SMIM10L2B: variants seen among roughly 807,000 people sequenced by gnomAD.
The protein encoded by SMIM10L2B is small integral membrane protein 10 like 2B, also known as small integral membrane protein 10-like protein 2B.
For missense variants in SMIM10L2B, 40 were observed against 58.7 expected (o/e 0.68, Z 1.04); for synonymous variants, 28 against 30.0 (o/e 0.93, Z 0.22).
At position 135,095,800 on chromosome X, in the gene SMIM10L2B, G is replaced by A. The variant is rs1167932461; in HGVS notation, c.*1686C>T. 3.6e-5 allele frequency: 4 copies of A among 112,098 alleles called. No homozygotes were observed. The highest frequency in any genetic ancestry group is 3.8e-4 in the South Asian group (1 of 2,624). The allele number at this position is 112,098 out of a possible 1,213,427, so 9.2% of individuals were successfully genotyped here. A position where few individuals can be genotyped will look rare whatever the true frequency, so the allele number is the denominator to read the frequency against. ...GTTGGGGGGACCAGCAGGCTGACAG[G>A]CCCCCAGAGGTGGTCAAGGGTGGAC... On this transcript the variant is annotated 3_prime_UTR_variant, in exon 2 of 2. Coordinates refer to ENST00000433425, the MANE Select transcript of SMIM10L2B (RefSeq NM_001348255.2).
At chrX:135,097,520 C>T (rs1192147969) in intron 1 of SMIM10L2B, among the ~76,000 whole-genome samples, 3 of 111,995 alleles carry the variant, frequency 2.7e-5, no homozygotes, top group African/African-American at 9.8e-5. Context: ...ACAGCAGGAG[C>T]AGGGAGAGAC....
rs1218573805 is a variant in SMIM10L2B, at chrX:135,096,813, C to T, written c.*673G>A. 3.6e-5 allele frequency: 4 copies of T among 111,978 alleles called. No homozygotes were observed. The highest frequency in any genetic ancestry group is 9.4e-5 in the Admixed American group (1 of 10,680). 9.2% of individuals were successfully genotyped at this position (111,978 alleles called of 1,213,427 possible). On this transcript the variant is annotated 3_prime_UTR_variant, in exon 2 of 2. Transcript: ENST00000433425. ...TGTCAAGGGCAAATCCCCCCCTCCC[C>T]GAAGCCTCGGTTTCCTCTGTCATTA...
Position 135,098,376 on chromosome X carries a change from GGCC to G in SMIM10L2B, c.*18_*20del, listed in dbSNP as rs1275120904. ...GTCGCCCCTCCAGCCGGGCCTCCGC[GGCC>G]GCCGCCGCCGCCGGCGCTCACTCGA... On this transcript the variant is annotated 3_prime_UTR_variant, in exon 1 of 2. Coordinates refer to ENST00000433425, the MANE Select transcript of SMIM10L2B (RefSeq NM_001348255.2). 5.9e-4 allele frequency: 286 copies of G among 488,832 alleles called. No homozygotes were observed. Among genetic ancestry groups the G allele is most frequent in the South Asian group, 1.4e-3 (24 of 17,433 alleles). 40.3% of individuals were successfully genotyped at this position (488,832 alleles called of 1,213,427 possible). A position where few individuals can be genotyped will look rare whatever the true frequency, so the allele number is the denominator to read the frequency against.
Position 135,098,170 on chromosome X carries a change from A to G in SMIM10L2B, c.*227T>C. On this transcript the variant is annotated 3_prime_UTR_variant, in exon 1 of 2. Coordinates refer to ENST00000433425, the MANE Select transcript of SMIM10L2B (RefSeq NM_001348255.2). ...GGAGCCCAATTGTAGGGGCCTGTTC[A>G]GTGCATTTCTGCGCGATCCGGGGTC... is the stretch of plus-strand genomic sequence containing the variant. 4.1e-6 allele frequency: 1 copy of G among 242,866 alleles called. No homozygotes were observed. The highest frequency in any genetic ancestry group is 7.4e-6 in the Non-Finnish European group (1 of 135,328). 20.0% of individuals were successfully genotyped at this position (242,866 alleles called of 1,213,427 possible).
rs76910104 is a variant in SMIM10L2B, at chrX:135,095,013, CT to C, written c.*2472del. Reference sequence around the variant, plus strand: ...GGATTTTAGTGTATTAAACCAAGGACTTTTTTTTTTTTTTAAACTTAGAGAA... The same window carrying C: ...GGATTTTAGTGTATTAAACCAAGGACTTTTTTTTTTTTTAAACTTAGAGAA... On this transcript the variant is annotated 3_prime_UTR_variant, in exon 2 of 2. Transcript: ENST00000433425. 5,581 of 102,804 alleles carry C rather than the reference CT, an allele frequency of 0.054. 161 individuals are homozygous for C. The highest frequency in any genetic ancestry group is 0.11 in the African/African-American group (3,124 of 28,535). The allele number at this position is 102,804 out of a possible 1,213,427, so 8.5% of individuals were successfully genotyped here. A position where few individuals can be genotyped will look rare whatever the true frequency, so the allele number is the denominator to read the frequency against.
Position 135,097,065 on chromosome X carries a change from A to G in SMIM10L2B, c.*421T>C, listed in dbSNP as rs1236434342. ...GGGTCAGAGGTGCCCCAGGGTAGGG[A>G]TGAGACTCTTGGCAAGGCCAGAGAA... On this transcript the variant is annotated 3_prime_UTR_variant, in exon 2 of 2. Transcript: ENST00000433425. 8.8e-6 allele frequency: 1 copy of G among 113,247 alleles called. No homozygotes were observed. The highest frequency in any genetic ancestry group is 1.9e-5 in the Non-Finnish European group (1 of 53,370). 9.3% of individuals were successfully genotyped at this position (113,247 alleles called of 1,213,427 possible). A position where few individuals can be genotyped will look rare whatever the true frequency, so the allele number is the denominator to read the frequency against.
Position 135,095,013 on chromosome X carries a change from C to CT in SMIM10L2B, c.*2472dup, listed in dbSNP as rs76910104. 231 of 103,414 alleles carry CT rather than the reference C, an allele frequency of 2.2e-3. No individual in the cohort carries two copies. Among genetic ancestry groups the CT allele is most frequent in the East Asian group, 3.9e-3 (13 of 3,306 alleles). The allele number at this position is 103,414 out of a possible 1,213,427, so 8.5% of individuals were successfully genotyped here. On this transcript the variant is annotated 3_prime_UTR_variant, in exon 2 of 2. Coordinates refer to ENST00000433425, the MANE Select transcript of SMIM10L2B (RefSeq NM_001348255.2). ...GGATTTTAGTGTATTAAACCAAGGA[C>CT]TTTTTTTTTTTTTTAAACTTAGAGA...
At position 135,098,119 on chromosome X, in the gene SMIM10L2B, A is replaced by G. The variant is rs1212633791; in HGVS notation, c.*278T>C. 3.1e-5 allele frequency: 6 copies of G among 192,071 alleles called. No homozygotes were observed. Among genetic ancestry groups the G allele is most frequent in the Non-Finnish European group, 4.8e-5 (5 of 103,491 alleles). The allele number at this position is 192,071 out of a possible 1,213,427, so 15.8% of individuals were successfully genotyped here. On this transcript the variant is annotated 3_prime_UTR_variant, in exon 1 of 2. Transcript: ENST00000433425. ...CCCTCTTTTGCCAATGTGAGGCAAC[A>G]GGTAGTCCGAGCTCAGGTAGTTTCT...
rs1213354636 is a variant in SMIM10L2B at position 135,096,119 on chromosome X, A to G, written c.*1367T>C. 1.8e-5 allele frequency: 2 copies of G among 111,245 alleles called. No homozygotes were observed. Among genetic ancestry groups the G allele is most frequent in the Non-Finnish European group, 3.8e-5 (2 of 53,014 alleles). 9.2% of individuals were successfully genotyped at this position (111,245 alleles called of 1,213,427 possible). Reference sequence around the variant, plus strand: ...ATGTGGCCCTCAGGGTACCAGTGCAAGAGATGCGGAAATGGGGATAGCAGG... The same window carrying G: ...ATGTGGCCCTCAGGGTACCAGTGCAGGAGATGCGGAAATGGGGATAGCAGG... On this transcript the variant is annotated 3_prime_UTR_variant, in exon 2 of 2. Transcript: ENST00000433425.
At position 135,098,622 on chromosome X, in the gene SMIM10L2B, C is replaced by A. The variant is rs2083457071; in HGVS notation, c.12G>T (p.Ser4=). 1.7e-5 allele frequency: 7 copies of A among 413,518 alleles called. No individual in the cohort carries two copies. The highest frequency in any genetic ancestry group is 2.5e-5 in the Non-Finnish European group (7 of 277,243). 34.1% of individuals were successfully genotyped at this position (413,518 alleles called of 1,213,427 possible). The change falls in exon 1 of 2, where the codon TCG becomes TCT. Residue 4 remains serine (S), a synonymous_variant. Transcript: ENST00000433425. The part of the protein sequence containing the change: MAA[S]AALSAAAAAA... ...CCGCCGCCGCCGCAGACAGAGCCGC[C>A]GACGCCGCCATGGGCCCGGGCCCCG... is the stretch of plus-strand genomic sequence containing the variant.
At chrX:135,097,389 A>G (rs1556398275) in intron 1 of SMIM10L2B, among the ~76,000 whole-genome samples, 1 of 112,356 alleles carries the variant, frequency 8.9e-6, no homozygotes, top group African/African-American at 3.2e-5. Flanking sequence ...ATGGGCTGAC[A>G]TGGCGGAAGA....
intron 1 of SMIM10L2B, among the ~76,000 whole-genome samples, chrX:135,097,770 T>G (rs1182097312): frequency 4.5e-5 from 5 of 112,000 alleles, no homozygotes; most frequent in Non-Finnish European, 9.4e-5. Flanking sequence ...CAGGTTTCAG[T>G]GGACACCCTG....
chrX:135,098,348 A>T lies in SMIM10L2B; in HGVS notation c.*49T>A. 1 of 336,717 alleles carries T rather than the reference A, an allele frequency of 3.0e-6. No homozygotes were observed. The highest frequency in any genetic ancestry group is 4.9e-6 in the Non-Finnish European group (1 of 205,396). 27.7% of individuals were successfully genotyped at this position (336,717 alleles called of 1,213,427 possible). ...GACCCGGCCGGGGGCGGGCGGGGAC[A>T]CTGTCGCCCCTCCAGCCGGGCCTCC... On this transcript the variant is annotated 3_prime_UTR_variant, in exon 1 of 2. Coordinates refer to ENST00000433425, the MANE Select transcript of SMIM10L2B (RefSeq NM_001348255.2).
Position 135,095,820 on chromosome X carries a change from G to A in SMIM10L2B, c.*1666C>T, listed in dbSNP as rs2083444903. 8.9e-6 allele frequency: 1 copy of A among 112,091 alleles called. No individual in the cohort carries two copies. Among genetic ancestry groups the A allele is most frequent in the South Asian group, 3.8e-4 (1 of 2,629 alleles). The allele number at this position is 112,091 out of a possible 1,213,427, so 9.2% of individuals were successfully genotyped here. On this transcript the variant is annotated 3_prime_UTR_variant, in exon 2 of 2. Coordinates refer to ENST00000433425, the MANE Select transcript of SMIM10L2B (RefSeq NM_001348255.2). ...GACAGGCCCCCAGAGGTGGTCAAGG[G>A]TGGACAGGGTTGGGGCGGATGAGAG...
chrX:135,097,889 C>CT (rs1158595895), intron 1 of SMIM10L2B, 144 bp downstream of exon 1: 2 of 112,275 alleles, frequency 1.8e-5, no homozygotes, highest in African/African-American at 6.5e-5. Context: ...CTGCGGCTGC[C>CT]TTTCCTTTCC....
In SMIM10L2B at chrX:135,098,642, G is replaced by A. The variant is rs1325049432; in HGVS notation, c.-9C>T. 1.5e-5 allele frequency: 5 copies of A among 334,491 alleles called. No homozygotes were observed. The highest frequency in any genetic ancestry group is 2.4e-5 in the Non-Finnish European group (5 of 208,542). 27.6% of individuals were successfully genotyped at this position (334,491 alleles called of 1,213,427 possible). On this transcript the variant is annotated 5_prime_UTR_variant, in exon 1 of 2. Coordinates refer to ENST00000433425, the MANE Select transcript of SMIM10L2B (RefSeq NM_001348255.2). Reference sequence around the variant, plus strand: ...GCCGCCGACGCCGCCATGGGCCCGGGCCCCGCGCAGGCCCCGCCGACCGAT... The same window carrying A: ...GCCGCCGACGCCGCCATGGGCCCGGACCCCGCGCAGGCCCCGCCGACCGAT...
intron 1 of SMIM10L2B, among the ~76,000 whole-genome samples, chrX:135,097,738 C>T (rs1411814601): frequency 8.9e-6 from 1 of 112,301 alleles, no homozygotes. Flanking sequence ...GGGCCGCCCC[C>T]AGCCCACTAC....
At chrX:135,097,453 G>A (rs1230980769) in intron 1 of SMIM10L2B, among the ~76,000 whole-genome samples, 3 of 111,893 alleles carry the variant, frequency 2.7e-5, no homozygotes, top group Non-Finnish European at 5.7e-5. Context: ...ACTCTTCCCA[G>A]TCTCCAAATG....
chrX:135,098,599 G>T lies in SMIM10L2B; in HGVS notation c.35C>A (p.Ala12Glu). The T allele has an allele frequency of 1.8e-6, 1 of 561,799 alleles. No individual in the cohort carries two copies. The highest frequency in any genetic ancestry group is 4.6e-5 in the East Asian group (1 of 21,643). 46.3% of individuals were successfully genotyped at this position (561,799 alleles called of 1,213,427 possible). The part of the protein sequence containing the change: ...AASAALSAAA[A>E]AAALSGLAVR... ...CGCCAAGCCAGACAGGGCTGCCGCC[G>T]CCGCCGCCGCAGACAGAGCCGCCGA... Residue 12 changes from alanine (A) to glutamate (E), a missense_variant, in exon 1 of 2, where the codon GCG (alanine) becomes GAG (glutamate). Transcript: ENST00000433425.
Sources: allele counts gnomAD v4.1 joint callset (sites outside exome capture counted in the v4.1 genomes callset), GRCh38; gene constraint gnomAD v4.1.1; transcripts MANE v1.5; gene names NCBI Gene and HGNC (gene_info 2026-07-23, HGNC 2026-07-21).